The following MMP26 variants were observed in gnomAD, a reference collection of about 807,000 sequenced individuals.
MMP26 encodes the protein matrix metalloproteinase-26.
Under a neutral mutation model 31.0 loss-of-function variants are expected in MMP26, and 33 were observed. The ratio of observed to expected loss-of-function variants is 1.06; its 90% confidence interval spans 0.81 to 1.42. The LOEUF is 1.42. Among genes scored for constraint, MMP26 ranks in the 40% most tolerant of loss-of-function variants. The pLI, the probability that MMP26 is intolerant of heterozygous loss-of-function variation, is 0.00. For synonymous variants in MMP26, 122 were observed against 114.9 expected (o/e 1.06, Z -0.40); for missense variants, 347 against 316.1 (o/e 1.10, Z -0.74).
chr11:4,807,533 C>T lies in MMP26; in HGVS notation c.-145+40192C>T, dbSNP rs1436308481. ...GTCACAAGGACAGAAAACCAAACAC[C>T]GCATGTTCTTACTCATAGGTGGGAG... On this transcript the variant is annotated intron_variant, in intron 2 of 7. Coordinates refer to ENST00000380390, the MANE Select transcript of MMP26 (RefSeq NM_021801.5). Among the ~76,000 whole-genome samples the T allele has an allele frequency of 7.3e-5, 11 of 150,034 alleles. No individual in the cohort carries two copies. In the East Asian group the frequency reaches 1.0e-3, roughly 14 times the overall value.
chr11:4,813,863 G>C (rs1849384007), intron 2 of MMP26, among the ~76,000 whole-genome samples: 1 of 151,792 alleles, frequency 6.6e-6, no homozygotes, highest in Non-Finnish European at 1.5e-5. Context: ...CAATACAAAA[G>C]TGAAAAGTCA....
At chr11:4,761,820 C>A (rs1848571861) in intron 1 of MMP26, among the ~76,000 whole-genome samples, 2 of 152,006 alleles carry the variant, frequency 1.3e-5, no homozygotes, top group African/African-American at 4.8e-5. Context: ...AATGCCAGTT[C>A]CATAGTACAT....
chr11:4,907,027 T>C (rs2595979), intron 2 of MMP26, among the ~76,000 whole-genome samples: 149,250 of 149,340 alleles, frequency 1, 74,580 homozygotes, highest in Middle Eastern at 1. Flanking sequence ...TCGCGGGAGG[T>C]GGAGGTTGCA....
intron 2 of MMP26, among the ~76,000 whole-genome samples, chr11:4,855,215 G>A (rs1302904910): frequency 6.6e-6 from 1 of 152,166 alleles, no homozygotes; most frequent in East Asian, 1.9e-4. Flanking sequence ...GGACAGAGAA[G>A]GACTTTGACG....
intron 2 of MMP26, among the ~76,000 whole-genome samples, chr11:4,941,477 A>T (rs573419737): frequency 4.7e-4 from 71 of 152,320 alleles, no homozygotes; most frequent in African/African-American, 1.7e-3. Flanking sequence ...GTGATAATGA[A>T]TTGCTTTAGT....
At chr11:4,895,325 A>C (rs1850684212) in intron 2 of MMP26, among the ~76,000 whole-genome samples, 1 of 152,188 alleles carries the variant, frequency 6.6e-6, no homozygotes, top group South Asian at 2.1e-4. Flanking sequence ...ACTTGAAACC[A>C]TAACGTCATC....
At chr11:4,871,558 T>A (rs1246055970) in intron 2 of MMP26, among the ~76,000 whole-genome samples, 1 of 152,090 alleles carries the variant, frequency 6.6e-6, no homozygotes, top group East Asian at 1.9e-4. Flanking sequence ...TAGACTAGCA[T>A]GCTCAGAAGC....
chr11:4,833,716 G>A (rs1410068840), intron 2 of MMP26, among the ~76,000 whole-genome samples: 1 of 152,146 alleles, frequency 6.6e-6, no homozygotes, highest in Non-Finnish European at 1.5e-5. Flanking sequence ...CTTGGGTGAT[G>A]TGAAAGGGAA....
intron 1 of MMP26, among the ~76,000 whole-genome samples, chr11:4,741,421 A>G (rs1468401036): frequency 1.3e-5 from 2 of 152,332 alleles, no homozygotes; most frequent in Middle Eastern, 3.4e-3. Flanking sequence ...TCAGTGATAT[A>G]CTGGGTAAAG....
intron 1 of MMP26, among the ~76,000 whole-genome samples, chr11:4,735,540 T>G (rs983598357): frequency 2.0e-5 from 3 of 152,208 alleles, no homozygotes; most frequent in African/African-American, 7.2e-5. Context: ...GTCTTATATA[T>G]TCTTATTACT....
At chr11:4,968,097 G>A (rs1442543200) in intron 2 of MMP26, among the ~76,000 whole-genome samples, 2 of 152,016 alleles carry the variant, frequency 1.3e-5, no homozygotes, top group Non-Finnish European at 2.9e-5. Flanking sequence ...TCCAATAAGA[G>A]TTAGCTTGAC....
chr11:4,837,056 G>A (rs1409252052), intron 2 of MMP26, among the ~76,000 whole-genome samples: 4 of 151,936 alleles, frequency 2.6e-5, no homozygotes, highest in Non-Finnish European at 1.5e-5. Flanking sequence ...GAGTTGATTG[G>A]CAAACAAGAT....
chr11:4,928,982 A>G lies in MMP26; in HGVS notation c.-144-59086A>G, dbSNP rs181298462. 3.3e-4 allele frequency among the ~76,000 whole-genome samples: 50 copies of G among 152,274 alleles called. No homozygotes were observed. The East Asian group carries it at 9.1e-3, about 28-fold the overall frequency. On this transcript the variant is annotated intron_variant, in intron 2 of 7. Coordinates refer to ENST00000380390, the MANE Select transcript of MMP26 (RefSeq NM_021801.5). ...AGGTCCAATTGTTGGTGGGCAATGT[A>G]TTTGACAATGCTGGCCCTTCTAGAT...
In MMP26 at chr11:4,924,142, GC is replaced by G. The variant is rs758498135; in HGVS notation, c.-144-63923del. On this transcript the variant is annotated intron_variant, in intron 2 of 7. Transcript: ENST00000380390. ...GGCCTAAGTCTGTGACAGCTAGCAT[GC>G]CCAAGAAATAGTACATGGGTCCATG... 12 of 1,614,046 alleles carry G rather than the reference GC, an allele frequency of 7.4e-6. No individual in the cohort carries two copies. In the Admixed American group the frequency reaches 1.2e-4, roughly 16 times the overall value.
In MMP26 at chr11:4,892,805, A is replaced by T. The variant is rs547918387; in HGVS notation, c.-144-95263A>T. On this transcript the variant is annotated intron_variant, in intron 2 of 7. Coordinates refer to ENST00000380390, the MANE Select transcript of MMP26 (RefSeq NM_021801.5). ...CCCTATAGCCCAGAGAGCAGAGTAC[A>T]TTGATGTATTTGCCTTCTAGTTACT... 3.3e-5 allele frequency among the ~76,000 whole-genome samples: 5 copies of T among 152,280 alleles called. No homozygotes were observed. In the East Asian group the frequency reaches 9.7e-4, roughly 29 times the overall value.
At chr11:4,781,720 C>A (rs1451580653) in intron 2 of MMP26, among the ~76,000 whole-genome samples, 1 of 152,008 alleles carries the variant, frequency 6.6e-6, no homozygotes, top group Admixed American at 6.6e-5. Context: ...TGTGTCCCCA[C>A]CCAAATCTCA....
intron 2 of MMP26, among the ~76,000 whole-genome samples, chr11:4,850,492 C>A (rs1221313864): frequency 6.6e-6 from 1 of 152,078 alleles, no homozygotes; most frequent in Non-Finnish European, 1.5e-5. Flanking sequence ...ATAATTTTAA[C>A]AAGAAGGACT....
At chr11:4,907,959 T>C in intron 2 of MMP26, 1 of 1,614,142 alleles carries the variant, frequency 6.2e-7, no homozygotes, top group South Asian at 1.1e-5. Context: ...ACCAATGTCA[T>C]CTATGGCTTC....
chr11:4,811,949 C>T (rs1169571273), intron 2 of MMP26, among the ~76,000 whole-genome samples: 1 of 152,160 alleles, frequency 6.6e-6, no homozygotes, highest in Non-Finnish European at 1.5e-5. Flanking sequence ...TGGTACCTCT[C>T]CAGGATGCAC....
Sources: gnomAD v4.1 joint callset for allele counts (sites outside exome capture counted in the v4.1 genomes callset) on GRCh38, gnomAD v4.1.1 for gene constraint, MANE v1.5 for transcripts, NCBI Gene and HGNC (gene_info 2026-07-23, HGNC 2026-07-21) for gene names.